The following ITPKB variants were observed in gnomAD, a reference collection of about 807,000 sequenced individuals.
The protein encoded by ITPKB is IP3 3-kinase B.
In ITPKB, 13 loss-of-function variants were observed where a neutral mutation model predicts 69.4. That is an observed-to-expected ratio of 0.19 (90% CI 0.12 to 0.30). The LOEUF (loss-of-function observed/expected upper bound fraction) is 0.30, where lower values mean the gene tolerates loss of function less well. ITPKB is among the 10% of genes least tolerant of loss of function. The pLI, the probability that ITPKB is intolerant of heterozygous loss-of-function variation, is 1.00. For missense variants in ITPKB, 1,240 were observed against 1,250.5 expected (o/e 0.99, Z 0.13); for synonymous variants, 584 against 513.7 (o/e 1.14, Z -1.85).
At chr1:226,683,801 A>T (rs1571857205) in intron 2 of ITPKB, among the ~76,000 whole-genome samples, 1 of 151,962 alleles carries the variant, frequency 6.6e-6, no homozygotes, top group African/African-American at 2.4e-5. Context: ...CTGGAGGAGG[A>T]CTCAAAATCA....
intron 2 of ITPKB, among the ~76,000 whole-genome samples, chr1:226,700,073 T>C (rs750105122): frequency 2.6e-5 from 4 of 152,154 alleles, no homozygotes; most frequent in African/African-American, 4.8e-5. Context: ...CGCAGCTAAT[T>C]AGATGGTGCC....
chr1:226,656,442 C>T (rs769679057), intron 2 of ITPKB, among the ~76,000 whole-genome samples: 10 of 152,188 alleles, frequency 6.6e-5, no homozygotes, highest in Non-Finnish European at 1.0e-4. Flanking sequence ...AGGGCCCTGA[C>T]ATTCCTCTCC....
chr1:226,713,699 G>A (rs1657029744), intron 2 of ITPKB, among the ~76,000 whole-genome samples: 1 of 152,150 alleles, frequency 6.6e-6, no homozygotes, highest in South Asian at 2.1e-4. Context: ...CAGAGTTCAC[G>A]AAGGACACCC....
Position 226,664,781 on chromosome 1 carries a change from G to A in ITPKB, c.1933-16010C>T, listed in dbSNP as rs563469732. ...AGCCGATAAACTGCCAAAGAGCCCC[G>A]GGATTCAAGGTGGCCAAAGAGGCGC... On this transcript the variant is annotated intron_variant, in intron 2 of 7. Coordinates refer to ENST00000429204, the MANE Select transcript of ITPKB (RefSeq NM_002221.4). Among the ~76,000 whole-genome samples the A allele has an allele frequency of 1.7e-3, 265 of 152,298 alleles. 2 individuals carry two copies. The highest frequency in any genetic ancestry group is 6.0e-3 in the African/African-American group (249 of 41,558).
chr1:226,657,310 G>T (rs1399831914), intron 2 of ITPKB: 1 of 152,248 alleles, frequency 6.6e-6, no homozygotes, highest in African/African-American at 2.4e-5. Context: ...TGAATAATAA[G>T]ATTGCTTGGC....
chr1:226,637,592 C>T lies in ITPKB; in HGVS notation c.2625+87G>A, dbSNP rs575207417. On this transcript the variant is annotated intron_variant, in intron 7 of 7. Coordinates refer to ENST00000429204, the MANE Select transcript of ITPKB (RefSeq NM_002221.4). This position sits in a 1 kb window ranked among gnomAD's most constrained non-coding sequence, Gnocchi z 4.3. ...CTGGCTGCACCACCCTGAAAATGCCCGATGCCCCGGGCTTCTGGAAGGAGA... is the reference window on the plus strand; with the variant it reads ...CTGGCTGCACCACCCTGAAAATGCCTGATGCCCCGGGCTTCTGGAAGGAGA... 1,598 of 1,071,910 alleles carry T rather than the reference C, an allele frequency of 1.5e-3. 2 individuals carry two copies. Among genetic ancestry groups the T allele is most frequent in the Middle Eastern group, 2.2e-3 (11 of 4,906 alleles). The allele number at this position is 1,071,910 out of a possible 1,614,324, so 66.4% of individuals were successfully genotyped here. A position where few individuals can be genotyped will look rare whatever the true frequency, so the allele number is the denominator to read the frequency against.
chr1:226,699,294 T>C (rs1293552049), intron 2 of ITPKB, among the ~76,000 whole-genome samples: 1 of 152,196 alleles, frequency 6.6e-6, no homozygotes, highest in Admixed American at 6.5e-5. Context: ...TGGAGGATGA[T>C]CTCTGAGGAT....
rs1259436011 is a variant in ITPKB, at chr1:226,631,809, A to C, written c.*2862T>G. 8.1e-6 allele frequency: 1 copy of C among 123,976 alleles called. No individual in the cohort carries two copies. Among genetic ancestry groups the C allele is most frequent in the East Asian group, 2.2e-4 (1 of 4,536 alleles). 7.7% of individuals were successfully genotyped at this position (123,976 alleles called of 1,614,324 possible). On this transcript the variant is annotated 3_prime_UTR_variant, in exon 8 of 8. Coordinates refer to ENST00000429204, the MANE Select transcript of ITPKB (RefSeq NM_002221.4). ...GGAGAGGGGTGCAGAACAGGAAGAG[A>C]GCCTCTCGGCAGGCGGGGGGGGTCC...
At chr1:226,663,622 C>A (rs1351517765) in intron 2 of ITPKB, among the ~76,000 whole-genome samples, 1 of 152,086 alleles carries the variant, frequency 6.6e-6, no homozygotes, top group African/African-American at 2.4e-5. Flanking sequence ...AGCAACCCAG[C>A]AATCCTCCTG....
In ITPKB at chr1:226,634,910, G is replaced by A; in HGVS notation, c.2626-24C>T. On this transcript the variant is annotated intron_variant, in intron 7 of 7. Transcript: ENST00000429204. This position sits in a 1 kb window ranked among gnomAD's most constrained non-coding sequence, Gnocchi z 6.3. ...ACCTGAGGAGAACATGGGGGTGAAG[G>A]GTGAGCTGAAGCCCGGGCCTCGCCC... 5.7e-6 allele frequency: 9 copies of A among 1,589,834 alleles called. No individual in the cohort carries two copies. Among genetic ancestry groups the A allele is most frequent in the Non-Finnish European group, 7.7e-6 (9 of 1,162,114 alleles).
At chr1:226,657,678 A>C (rs937110031) in intron 2 of ITPKB, among the ~76,000 whole-genome samples, 3 of 152,244 alleles carry the variant, frequency 2.0e-5, no homozygotes. Context: ...TAACTCTCAC[A>C]ACACTGATAT....
At chr1:226,716,463 G>A (rs1657098974) in intron 2 of ITPKB, among the ~76,000 whole-genome samples, 2 of 151,822 alleles carry the variant, frequency 1.3e-5, no homozygotes, top group South Asian at 4.2e-4. Flanking sequence ...GTGCAGTTTT[G>A]TTACATAGGT....
chr1:226,635,060 G>A (rs1458161887), intron 7 of ITPKB, among the ~76,000 whole-genome samples, 174 bp from the exon 8 acceptor site: 1 of 152,200 alleles, frequency 6.6e-6, no homozygotes, highest in Non-Finnish European at 1.5e-5. Context: ...GAATGGCCAT[G>A]CCTGGGCAGA....
intron 2 of ITPKB, among the ~76,000 whole-genome samples, chr1:226,649,359 T>C (rs895049937): frequency 1.1e-5 from 1 of 87,654 alleles, no homozygotes; most frequent in African/African-American, 1.2e-4. Context: ...GTGATATATG[T>C]GCATGTGTGC....
At chr1:226,677,492 T>C (rs1180955832) in intron 2 of ITPKB, among the ~76,000 whole-genome samples, 2 of 152,318 alleles carry the variant, frequency 1.3e-5, no homozygotes, top group East Asian at 3.9e-4. Context: ...TCTAACCTCC[T>C]GTGAATCTCA....
chr1:226,695,568 A>G (rs763067579), intron 2 of ITPKB, among the ~76,000 whole-genome samples: 1 of 152,024 alleles, frequency 6.6e-6, no homozygotes, highest in Non-Finnish European at 1.5e-5. Context: ...TCACACTCCC[A>G]CCCAGGCCAG....
chr1:226,737,663 G>T lies in ITPKB; in HGVS notation c.-205C>A. On this transcript the variant is annotated splice_region_variant and 5_prime_UTR_variant, in exon 2 of 8. Coordinates refer to ENST00000429204, the MANE Select transcript of ITPKB (RefSeq NM_002221.4). ...CCAAAGCTCCATAAACAACCGTGCG[G>T]CTGTGGAGATACAAGGAGAAAAGTC... is the stretch of plus-strand genomic sequence containing the variant. 9.6e-7 allele frequency: 1 copy of T among 1,041,426 alleles called. No homozygotes were observed. The highest frequency in any genetic ancestry group is 1.2e-6 in the Non-Finnish European group (1 of 853,816). 64.5% of individuals were successfully genotyped at this position (1,041,426 alleles called of 1,614,324 possible).
intron 2 of ITPKB, among the ~76,000 whole-genome samples, chr1:226,712,806 G>A (rs774188899): frequency 7.9e-5 from 12 of 152,160 alleles, no homozygotes; most frequent in South Asian, 2.1e-4. Context: ...AAATATTAGC[G>A]TCCCGGTGCA....
rs1257307437 is a variant in ITPKB at position 226,641,004 on chromosome 1, G to A, written c.2451+917C>T. Among the ~76,000 whole-genome samples, 2 of 152,214 alleles carry A rather than the reference G, an allele frequency of 1.3e-5. No homozygotes were observed. The highest frequency in any genetic ancestry group is 4.8e-5 in the African/African-American group (2 of 41,456). On this transcript the variant is annotated intron_variant, in intron 5 of 7. Coordinates refer to ENST00000429204, the MANE Select transcript of ITPKB (RefSeq NM_002221.4). This position sits in a 1 kb window ranked among gnomAD's most constrained non-coding sequence, Gnocchi z 4.6. Reference sequence around the variant, plus strand: ...ACTGGAGATGATGCAGACCATGACTGGACAGAGAATGGGAGACCCGACAAC... The same window carrying A: ...ACTGGAGATGATGCAGACCATGACTAGACAGAGAATGGGAGACCCGACAAC...
Sources: gnomAD v4.1 joint callset for allele counts (sites outside exome capture counted in the v4.1 genomes callset) on GRCh38, gnomAD v4.1.1 for gene constraint, Gnocchi (gnomAD v3.1) non-coding constraint, MANE v1.5 for transcripts, NCBI Gene and HGNC (gene_info 2026-07-23, HGNC 2026-07-21) for gene names.